Variants in HOXA3 observed in about 807,000 individuals in gnomAD.
HOXA3 encodes the protein homeobox A3, also known as homeobox protein Hox-A3.
HOXA3 carries 8 observed loss-of-function variants against 30.3 expected under a neutral mutation model. That is an observed-to-expected ratio of 0.26 (90% CI 0.15 to 0.48). The LOEUF (loss-of-function observed/expected upper bound fraction) is 0.48. Among genes scored for constraint, HOXA3 ranks in the 20% least tolerant of loss-of-function variants. The probability of loss-of-function intolerance (pLI) is 0.99; values close to 1 mark genes in which losing one functional copy is unlikely to be tolerated. For synonymous variants in HOXA3, 323 were observed against 273.1 expected, an observed-to-expected ratio of 1.18 and a Z score of -1.80; for missense variants, 653 against 614.4, an observed-to-expected ratio of 1.06 and a Z score of -0.66.
chr7:27,132,707 A>T (rs1785596868), intron 2 of HOXA3, among the ~76,000 whole-genome samples: 1 of 152,240 alleles, frequency 6.6e-6, no homozygotes, highest in African/African-American at 2.4e-5. Context: ...TGATACATCT[A>T]CCTGAACCAA....
At position 27,139,806 on chromosome 7, in the gene HOXA3, A is replaced by T. The variant is rs1031846317; in HGVS notation, c.-390+277T>A. Among the ~76,000 whole-genome samples the T allele has an allele frequency of 3.3e-5, 5 of 152,150 alleles. No homozygotes were observed. In the South Asian group the frequency reaches 1.0e-3, roughly 32 times the overall value. On this transcript the variant is annotated intron_variant, in intron 2 of 5. Transcript: ENST00000612286. ...TCGCACACAAAAATCATCTTTTTGC[A>T]CGCCGGCGGGAGCAGCGGAAGTCAT...
intron 2 of HOXA3, among the ~76,000 whole-genome samples, chr7:27,139,081 T>C (rs1394036246): frequency 6.6e-6 from 1 of 152,108 alleles, no homozygotes; most frequent in Non-Finnish European, 1.5e-5. Flanking sequence ...TGTGCGTAGA[T>C]GTTTTTAATT....
At chr7:27,111,008 A>C (rs1290425419) in intron 4 of HOXA3, among the ~76,000 whole-genome samples, 2 of 152,200 alleles carry the variant, frequency 1.3e-5, no homozygotes, top group Admixed American at 1.3e-4. Context: ...TGAGGGCTGC[A>C]AGCTGATTCT....
intron 4 of HOXA3, among the ~76,000 whole-genome samples, chr7:27,112,930 A>G (rs562612106): frequency 6.6e-5 from 10 of 152,366 alleles, no homozygotes; most frequent in African/African-American, 2.2e-4. Flanking sequence ...ATCAAAGAGC[A>G]TACAACAGCC....
chr7:27,130,022 G>A, intron 2 of HOXA3: 2 of 1,385,682 alleles, frequency 1.4e-6, no homozygotes, highest in Non-Finnish European at 9.8e-7. Context: ...CCCTCCCGAG[G>A]CCCCCTTCCC....
intron 4 of HOXA3, among the ~76,000 whole-genome samples, chr7:27,118,883 C>A (rs1336446282): frequency 6.6e-6 from 1 of 152,160 alleles, no homozygotes; most frequent in Non-Finnish European, 1.5e-5. Context: ...ACGCAAGAAA[C>A]ACCAAAAAGG....
At chr7:27,130,914 G>C (rs1166553236) in intron 2 of HOXA3, 7 of 640,774 alleles carry the variant, frequency 1.1e-5, no homozygotes, top group Non-Finnish European at 1.9e-5. Context: ...AGTTCGAGCC[G>C]CTCCTCCCCA....
chr7:27,126,373 A>G (rs1226254483), intron 3 of HOXA3, among the ~76,000 whole-genome samples: 1 of 152,180 alleles, frequency 6.6e-6, no homozygotes, highest in Non-Finnish European at 1.5e-5. Context: ...TCATTTTGGT[A>G]AAATTATAGA....
intron 4 of HOXA3, chr7:27,120,994 C>T (rs1784978993): frequency 6.6e-6 from 1 of 152,226 alleles, no homozygotes; most frequent in Non-Finnish European, 1.5e-5. Context: ...TGGTCCTGGT[C>T]ACCAGAGCCA....
At chr7:27,129,779 A>C (rs920685527) in intron 2 of HOXA3, among the ~76,000 whole-genome samples, 2 of 152,218 alleles carry the variant, frequency 1.3e-5, no homozygotes, top group African/African-American at 4.8e-5. Context: ...AGAGCCATAA[A>C]GAATGGTGCT....
chr7:27,152,229 T>C, intron 1 of HOXA3, 59 bp downstream of exon 1: 1 of 1,167,198 alleles, frequency 8.6e-7, no homozygotes, highest in Non-Finnish European at 1.1e-6. Flanking sequence ...CTCCCACCGC[T>C]ACCGCCGCCG....
At chr7:27,136,144 C>T (rs1337326689) in intron 2 of HOXA3, among the ~76,000 whole-genome samples, 1 of 152,230 alleles carries the variant, frequency 6.6e-6, no homozygotes, top group Non-Finnish European at 1.5e-5. Context: ...TTTTGACCCT[C>T]AACTTTTTGA....
intron 3 of HOXA3, among the ~76,000 whole-genome samples, chr7:27,125,382 AG>A (rs1471984517): frequency 3.9e-5 from 6 of 152,252 alleles, no homozygotes; most frequent in Non-Finnish European, 7.3e-5. Context: ...CAGAGAAAGT[AG>A]GGCTGGCTTG....
chr7:27,142,799 C>T, intron 1 of HOXA3: 1 of 451,448 alleles, frequency 2.2e-6, no homozygotes, highest in Non-Finnish European at 3.8e-6. Context: ...GGGTTTTTTG[C>T]TTCCTCCCCC....
chr7:27,147,265 C>G, intron 1 of HOXA3: 22 of 1,515,390 alleles, frequency 1.5e-5, no homozygotes, highest in Non-Finnish European at 1.7e-5. Context: ...TCTTTTCCTG[C>G]CTCCTTTCCC....
chr7:27,147,416 T>C, intron 1 of HOXA3: 1 of 1,614,212 alleles, frequency 6.2e-7, no homozygotes, highest in Non-Finnish European at 8.5e-7. Flanking sequence ...CTGTCGGGTT[T>C]GTACTGCTGC....
Position 27,110,467 on chromosome 7 carries a change from G to C in HOXA3, c.174C>G (p.Ala58=), listed in dbSNP as rs1348186694. The C allele has an allele frequency of 1.9e-6, 3 of 1,595,904 alleles. No individual in the cohort carries two copies. The highest frequency in any genetic ancestry group is 2.6e-6 in the Non-Finnish European group (3 of 1,169,134). ...PACSLQSPSS[A]GGHPKAHELS... ...GTTCGTGTGCCTTGGGGTGGCCCCCGGCGCTGGAGGGAGACTGGAGGGAGC... is the reference window on the plus strand; with the variant it reads ...GTTCGTGTGCCTTGGGGTGGCCCCCCGCGCTGGAGGGAGACTGGAGGGAGC... Residue 58 remains alanine, a synonymous_variant, in exon 5 of 6, where the codon GCC becomes GCG. Coordinates refer to ENST00000612286, the MANE Select transcript of HOXA3 (RefSeq NM_153631.3).
chr7:27,107,962 G>C lies in HOXA3; in HGVS notation c.1285C>G (p.Pro429Ala). 1 of 1,598,358 alleles carries C rather than the reference G, an allele frequency of 6.3e-7. No homozygotes were observed. The highest frequency in any genetic ancestry group is 8.6e-7 in the Non-Finnish European group (1 of 1,168,110). The change falls in exon 6 of 6, where the codon CCT (proline) becomes GCT (alanine). Residue 429 changes from proline to alanine, a missense_variant. Transcript: ENST00000612286. Reference sequence around the variant, plus strand: ...GCTTCCTGAATTCTTCCCTGAGAAGGATGGTGGCCGGTAAGGTCCGTGTAG... The same window carrying C: ...GCTTCCTGAATTCTTCCCTGAGAAGCATGGTGGCCGGTAAGGTCCGTGTAG... ...PTYTDLTGHH[P>A]SQGRIQEAPK...
At chr7:27,138,863 C>A (rs1175162760) in intron 2 of HOXA3, among the ~76,000 whole-genome samples, 1 of 152,218 alleles carries the variant, frequency 6.6e-6, no homozygotes, top group Non-Finnish European at 1.5e-5. Context: ...GGACCAATTT[C>A]TTCCCTAAAC....
Sources: allele counts gnomAD v4.1 joint callset (sites outside exome capture counted in the v4.1 genomes callset), GRCh38; gene constraint gnomAD v4.1.1; transcripts MANE v1.5; gene names NCBI Gene and HGNC (gene_info 2026-07-23, HGNC 2026-07-21).